Variants in FN1 observed in about 807,000 individuals in gnomAD.
The protein encoded by FN1 is fibronectin.
Under a neutral mutation model 297.3 loss-of-function variants are expected in FN1, and 106 were observed. The observed-to-expected ratio is 0.36, with a 90% CI of 0.30 to 0.42. The LOEUF is 0.42. FN1 is among the 10% of genes least tolerant of loss of function. FN1 has a pLI of 1.00. For missense variants in FN1, 2,690 were observed against 3,124.9 expected (o/e 0.86, Z 3.32); for synonymous variants, 1,149 against 1,152.6 (o/e 1.00, Z 0.06).
At chr2:215,429,475 A>G (rs1484413278) in intron 5 of FN1, among the ~76,000 whole-genome samples, 2 of 152,054 alleles carry the variant, frequency 1.3e-5, no homozygotes, top group Admixed American at 1.3e-4. Context: ...TGGGTTAGAG[A>G]AAAAAAATTA....
In FN1 at chr2:215,425,186, A is replaced by C; in HGVS notation, c.944T>G (p.Val315Gly). Residue 315 changes from valine (V) to glycine (G), a missense_variant, in exon 7 of 46, where the codon GTC becomes GGC. By Grantham distance (109) the Val-to-Gly change is moderately radical (BLOSUM62 -3). Around this residue, in one of 3 missense-constraint regions of FN1, gnomAD observed 876 missense variants for 1,058.1 expected, o/e 0.83. Coordinates refer to ENST00000354785, the MANE Select transcript of FN1 (RefSeq NM_212482.4). ...YGHCVTDSGV[V>G]YSVGMQWLKT... ...CAGCCACTGCATCCCCACAGAGTAG[A>C]CCACACCACTGTCTGTGACACAGTG... is the stretch of plus-strand genomic sequence containing the variant. The C allele has an allele frequency of 6.2e-7, 1 of 1,614,136 alleles. No individual in the cohort carries two copies. The highest frequency in any genetic ancestry group is 1.6e-4 in the Middle Eastern group (1 of 6,062).
chr2:215,404,768 G>A, intron 19 of FN1, 113 bp from the exon 20 acceptor site: 1 of 1,041,500 alleles, frequency 9.6e-7, no homozygotes, highest in Non-Finnish European at 1.5e-6. Context: ...TTGTAACTAT[G>A]TGAAAGTCAA....
Position 215,372,139 on chromosome 2 carries a change from G to C in FN1, c.6484C>G (p.His2162Asp). 1 of 1,614,250 alleles carries C rather than the reference G, an allele frequency of 6.2e-7. No homozygotes were observed. Among genetic ancestry groups the C allele is most frequent in the East Asian group, 2.2e-5 (1 of 44,888 alleles). ...TPPTTATPIR[H>D]RPRPYPPNVG... ...TTCGGCGGGTATGGTCTTGGCCTAT[G>C]CCTTATGGGGGTGGCCGTTGTGGGC... Residue 2162 changes from histidine to aspartate, a missense_variant, in exon 40 of 46, where the codon CAT (histidine) becomes GAT (aspartate). Coordinates refer to ENST00000354785, the MANE Select transcript of FN1 (RefSeq NM_212482.4).
chr2:215,433,559 A>G, intron 2 of FN1, 98 bp from the exon 3 acceptor site: 1 of 1,164,996 alleles, frequency 8.6e-7, no homozygotes, highest in Non-Finnish European at 1.3e-6. Context: ...TCTATTCCAC[A>G]AGTAACATGG....
At chr2:215,414,805 C>T (rs770985283) in intron 13 of FN1, 32 bp downstream of exon 13, 1 of 1,613,484 alleles carries the variant, frequency 6.2e-7, no homozygotes, top group African/African-American at 1.3e-5. Context: ...TTAGGAGACT[C>T]AGTATCCAAG....
In FN1 at chr2:215,404,411, T is replaced by C; in HGVS notation, c.3231A>G (p.Lys1077=). ...VAIKGNQESP[K]ATGVFTTLQP... ...TACGTGTGGTAAAGACTCCAGTGGC[T>C]TTGGGGCTCTCTTGGTTGCCCTTTA... The change falls in exon 20 of 46, where the codon AAA becomes AAG. Residue 1077 remains lysine, a synonymous_variant. Transcript: ENST00000354785. 6.2e-7 allele frequency: 1 copy of C among 1,614,112 alleles called. No homozygotes were observed. Among genetic ancestry groups the C allele is most frequent in the South Asian group, 1.1e-5 (1 of 91,086 alleles).
chr2:215,393,131 A>G lies in FN1; in HGVS notation c.3869T>C (p.Leu1290Pro). The change falls in exon 25 of 46, where the codon CTA (leucine) becomes CCA (proline). Residue 1290 changes from leucine (L) to proline (P), a missense_variant. Leu to Pro is a moderately conservative substitution (Grantham distance 98, BLOSUM62 -3). Transcript: ENST00000354785. Reference protein sequence around the residue: ...DSSIGLRWTPLNSSTIIGYRI... With the variant: ...DSSIGLRWTPPNSSTIIGYRI... ...GTACCCAATAATGGTGGAAGAGTTTAGCGGGGTCCACCTCAGGCCGATGCT... is the reference window on the plus strand; with the variant it reads ...GTACCCAATAATGGTGGAAGAGTTTGGCGGGGTCCACCTCAGGCCGATGCT... 6.2e-7 allele frequency: 1 copy of G among 1,614,110 alleles called. No homozygotes were observed. The highest frequency in any genetic ancestry group is 8.5e-7 in the Non-Finnish European group (1 of 1,180,010).
Position 215,364,998 on chromosome 2 carries a change from A to C in FN1, c.7145-13T>G. ...CACGTTGCCTCATCTGCATATAGAC[A>C]CAAGACAGATGCACGCATAAGCTGA... is the stretch of plus-strand genomic sequence containing the variant. On this transcript the variant is annotated splice_polypyrimidine_tract_variant and intron_variant, in intron 43 of 45. Transcript: ENST00000354785. The C allele has an allele frequency of 1.3e-6, 2 of 1,493,438 alleles. No homozygotes were observed. The highest frequency in any genetic ancestry group is 1.8e-6 in the Non-Finnish European group (2 of 1,089,086). The allele number at this position is 1,493,438 out of a possible 1,614,324, so 92.5% of individuals were successfully genotyped here. A position where few individuals can be genotyped will look rare whatever the true frequency, so the allele number is the denominator to read the frequency against.
intron 35 of FN1, among the ~76,000 whole-genome samples, chr2:215,377,911 T>C (rs921017394): frequency 3.9e-5 from 6 of 152,170 alleles, no homozygotes; most frequent in Admixed American, 2.6e-4. Context: ...GGCAATCAAA[T>C]TGATTTTCAA....
At chr2:215,420,589 T>C (rs1227826868) in intron 11 of FN1, 84 bp downstream of exon 11, 4 of 1,555,758 alleles carry the variant, frequency 2.6e-6, no homozygotes, top group Non-Finnish European at 3.5e-6. Flanking sequence ...ACTTCAGTCA[T>C]GTGATTTCAC....
chr2:215,405,242 G>A (rs1301511167), intron 19 of FN1, among the ~76,000 whole-genome samples: 1 of 152,180 alleles, frequency 6.6e-6, no homozygotes, highest in Non-Finnish European at 1.5e-5. Flanking sequence ...TTATTCTTGA[G>A]AATAATAACC....
intron 2 of FN1, among the ~76,000 whole-genome samples, chr2:215,433,828 A>G (rs1253282007): frequency 2.0e-5 from 3 of 152,248 alleles, no homozygotes; most frequent in African/African-American, 7.2e-5. Flanking sequence ...TTGGCCGGGC[A>G]CAGTGGCTCA....
intron 12 of FN1, among the ~76,000 whole-genome samples, chr2:215,417,623 T>C (rs1375216079): frequency 6.6e-6 from 1 of 152,182 alleles, no homozygotes; most frequent in Non-Finnish European, 1.5e-5. Context: ...AAGCCCTACG[T>C]GCTAGGCCAC....
chr2:215,407,576 T>C (rs2106274520), intron 17 of FN1, among the ~76,000 whole-genome samples: 1 of 152,320 alleles, frequency 6.6e-6, no homozygotes, highest in African/African-American at 2.4e-5. Context: ...CCTTAATAAA[T>C]GTCAATTAGA....
Position 215,423,332 on chromosome 2 carries a change from A to C in FN1, c.1393+18T>G. 6.2e-7 allele frequency: 1 copy of C among 1,613,326 alleles called. No individual in the cohort carries two copies. The highest frequency in any genetic ancestry group is 8.5e-7 in the Non-Finnish European group (1 of 1,179,798). Reference sequence around the variant, plus strand: ...AAATTGTTGTCAAACAAGACAACCCACAAGGGCTTCATCTTACCAGCCATG... The same window carrying C: ...AAATTGTTGTCAAACAAGACAACCCCCAAGGGCTTCATCTTACCAGCCATG... On this transcript the variant is annotated intron_variant, in intron 9 of 45. Transcript: ENST00000354785.
intron 4 of FN1, among the ~76,000 whole-genome samples, chr2:215,431,484 A>C (rs2066500461): frequency 1.3e-5 from 2 of 151,808 alleles, no homozygotes; most frequent in Non-Finnish European, 2.9e-5. Flanking sequence ...CCATATAGAA[A>C]TGTGTCCAAA....
intron 34 of FN1, among the ~76,000 whole-genome samples, chr2:215,378,702 C>A (rs907974399): frequency 2.6e-5 from 4 of 152,124 alleles, no homozygotes; most frequent in African/African-American, 9.7e-5. Flanking sequence ...AGGTTCCTAG[C>A]AGTTTTCTGC....
chr2:215,372,122 G>A lies in FN1; in HGVS notation c.6501C>T (p.Tyr2167=), dbSNP rs2056324370. 6.2e-7 allele frequency: 1 copy of A among 1,614,232 alleles called. No homozygotes were observed. The highest frequency in any genetic ancestry group is 8.5e-7 in the Non-Finnish European group (1 of 1,180,040). Residue 2167 remains tyrosine, a synonymous_variant, in exon 40 of 46, where the codon TAC becomes TAT. Transcript: ENST00000354785. ...ATPIRHRPRP[Y]PPNVGEEIQI... The stretch of plus-strand genomic sequence containing the variant: ...GGATTTCCTCACCTACATTCGGCGG[G>A]TATGGTCTTGGCCTATGCCTTATGG...
At chr2:215,370,538 GA>G in intron 40 of FN1, 106 bp from the exon 41 acceptor site, 1 of 393,398 alleles carries the variant, frequency 2.5e-6, no homozygotes, top group Non-Finnish European at 3.8e-6. Context: ...AGCAAAGGAA[GA>G]CAAAAAACAA....
Sources: gnomAD v4.1 joint callset for allele counts (sites outside exome capture counted in the v4.1 genomes callset) on GRCh38, gnomAD v4.1.1 for gene constraint, gnomAD v4.1.1 regional missense constraint, MANE v1.5 for transcripts, NCBI Gene and HGNC (gene_info 2026-07-23, HGNC 2026-07-21) for gene names.